Variants in FLVCR2 observed in about 807,000 individuals in gnomAD.
The protein encoded by FLVCR2 is FLVCR choline and putative heme transporter 2.
A neutral mutation model predicts 48.9 loss-of-function variants in FLVCR2; 38 were observed. That is an observed-to-expected ratio of 0.78 (90% CI 0.60 to 1.02). The LOEUF (loss-of-function observed/expected upper bound fraction) is 1.02, where lower values mean the gene tolerates loss of function less well. FLVCR2 is among the 50% of genes least tolerant of loss of function. The probability of loss-of-function intolerance (pLI) is 0.00; values close to 1 mark genes in which losing one functional copy is unlikely to be tolerated. For synonymous variants in FLVCR2, 255 were observed against 257.0 expected, an observed-to-expected ratio of 0.99 and a Z score of 0.07; for missense variants, 664 against 663.3, an observed-to-expected ratio of 1.00 and a Z score of -0.01.
intron 1 of FLVCR2, chr14:75,605,488 G>C: frequency 2.0e-6 from 3 of 1,521,994 alleles, no homozygotes; most frequent in East Asian, 4.9e-5. Context: ...TTGATTACAG[G>C]CATCTTTCCT....
At chr14:75,596,737 G>A (rs1012915624) in intron 1 of FLVCR2, among the ~76,000 whole-genome samples, 15 of 147,174 alleles carry the variant, frequency 1.0e-4, no homozygotes, top group South Asian at 4.3e-4. Context: ...TTTCATCATC[G>A]TCAATAAAAA....
chr14:75,590,723 G>A (rs528702831), intron 1 of FLVCR2, among the ~76,000 whole-genome samples: 40 of 152,354 alleles, frequency 2.6e-4, no homozygotes, highest in African/African-American at 9.1e-4. Context: ...TCCAGGTGAT[G>A]TGTGTGCTTC....
chr14:75,607,447 C>G (rs968603941), intron 1 of FLVCR2, among the ~76,000 whole-genome samples: 4 of 152,230 alleles, frequency 2.6e-5, no homozygotes, highest in African/African-American at 9.6e-5. Flanking sequence ...TCCTGAGTCT[C>G]AGACCATGTC....
intron 1 of FLVCR2, chr14:75,604,237 G>A (rs1889237162): frequency 6.6e-6 from 1 of 152,198 alleles, no homozygotes; most frequent in Non-Finnish European, 1.5e-5. Context: ...AGCAGGGTCG[G>A]GCCTGGTTAG....
chr14:75,646,639 G>T lies in FLVCR2; in HGVS notation c.*167G>T, dbSNP rs951496268. Reference sequence around the variant, plus strand: ...CTCCTAGAACCCACGTAAGAGCTTGGATGATTTAGTTGGAGAAAATTGCAC... The same window carrying T: ...CTCCTAGAACCCACGTAAGAGCTTGTATGATTTAGTTGGAGAAAATTGCAC... On this transcript the variant is annotated 3_prime_UTR_variant, in exon 10 of 10. Coordinates refer to ENST00000238667, the MANE Select transcript of FLVCR2 (RefSeq NM_017791.3). The T allele has an allele frequency of 1.7e-5, 11 of 665,628 alleles. No homozygotes were observed. Among genetic ancestry groups the T allele is most frequent in the Middle Eastern group, 2.9e-4 (1 of 3,508 alleles). The allele number at this position is 665,628 out of a possible 1,614,324, so 41.2% of individuals were successfully genotyped here. A position where few individuals can be genotyped will look rare whatever the true frequency, so the allele number is the denominator to read the frequency against.
chr14:75,647,401 C>A lies in FLVCR2; in HGVS notation c.*929C>A, dbSNP rs931467884. On this transcript the variant is annotated 3_prime_UTR_variant, in exon 10 of 10. Coordinates refer to ENST00000238667, the MANE Select transcript of FLVCR2 (RefSeq NM_017791.3). The stretch of plus-strand genomic sequence containing the variant: ...GGTAATCCCCGTCAACTTACTCTAA[C>A]CTTTGCTGAAAACTAATCTTGATTC... 2 of 152,252 alleles carry A rather than the reference C, an allele frequency of 1.3e-5. No homozygotes were observed. Among genetic ancestry groups the A allele is most frequent in the African/African-American group, 2.4e-5 (1 of 41,436 alleles). The allele number at this position is 152,252 out of a possible 1,614,324, so 9.4% of individuals were successfully genotyped here.
chr14:75,610,857 G>A (rs1889424733), intron 1 of FLVCR2, among the ~76,000 whole-genome samples: 1 of 152,178 alleles, frequency 6.6e-6, no homozygotes, highest in South Asian at 2.1e-4. Flanking sequence ...GCATCTACTC[G>A]CTTTGGGTGG....
At position 75,640,990 on chromosome 14, in the gene FLVCR2, A is replaced by G; in HGVS notation, c.1271A>G (p.Glu424Gly). The G allele has an allele frequency of 6.2e-7, 1 of 1,613,884 alleles. No individual in the cohort carries two copies. The highest frequency in any genetic ancestry group is 8.5e-7 in the Non-Finnish European group (1 of 1,179,942). Residue 424 changes from glutamate to glycine, a missense_variant, in exon 7 of 10, where the codon GAG becomes GGG. Physicochemically the swap from Glu to Gly is moderately conservative, Grantham distance 98. Coordinates refer to ENST00000238667, the MANE Select transcript of FLVCR2 (RefSeq NM_017791.3). Reference sequence around the variant, plus strand: ...ACTGGCTATCTCCCACTGGGATTTGAGTTTGCTGTGGAGCTCACGTACCCA... The same window carrying G: ...ACTGGCTATCTCCCACTGGGATTTGGGTTTGCTGTGGAGCTCACGTACCCA... ...FMTGYLPLGFEFAVELTYPES... is the reference protein window; with the variant it reads ...FMTGYLPLGFGFAVELTYPES...
intron 1 of FLVCR2, among the ~76,000 whole-genome samples, chr14:75,591,809 T>TC (rs113281228): frequency 6.2e-4 from 82 of 133,016 alleles, no homozygotes; most frequent in Middle Eastern, 3.7e-3. Flanking sequence ...TTCATTCCTT[T>TC]TTTTTTTTTT....
intron 1 of FLVCR2, among the ~76,000 whole-genome samples, chr14:75,588,772 C>T (rs1379799344): frequency 6.6e-6 from 1 of 152,210 alleles, no homozygotes; most frequent in African/African-American, 2.4e-5. Context: ...AGCCACTGCA[C>T]CTGGCCCCCC....
chr14:75,633,139 T>G (rs1323975562), intron 3 of FLVCR2, among the ~76,000 whole-genome samples: 1 of 152,186 alleles, frequency 6.6e-6, no homozygotes, highest in Non-Finnish European at 1.5e-5. Flanking sequence ...TGTGTGACAT[T>G]GAATCAGCAA....
In FLVCR2 at chr14:75,624,572, C is replaced by T. The variant is rs371052157; in HGVS notation, c.812-40C>T. 7 of 1,613,566 alleles carry T rather than the reference C, an allele frequency of 4.3e-6. No individual in the cohort carries two copies. The African/African-American group carries it at 8.0e-5, about 18-fold the overall frequency. On this transcript the variant is annotated intron_variant, in intron 2 of 9. Coordinates refer to ENST00000238667, the MANE Select transcript of FLVCR2 (RefSeq NM_017791.3). ...TGGAACCAGCTCTTCTGGGGTGGGA[C>T]CATGGGAATTTTCAGCCATCTCTGT...
chr14:75,602,667 G>C (rs954469928), intron 1 of FLVCR2, among the ~76,000 whole-genome samples: 3 of 152,190 alleles, frequency 2.0e-5, no homozygotes, highest in Non-Finnish European at 4.4e-5. Context: ...GTCAGAAGCT[G>C]AGGGAAGGAG....
intron 2 of FLVCR2, among the ~76,000 whole-genome samples, chr14:75,624,065 A>G (rs1399086293): frequency 1.3e-5 from 2 of 151,824 alleles, no homozygotes; most frequent in Admixed American, 6.6e-5. Context: ...AAAAAAAGAA[A>G]AGCAGAAGTA....
At chr14:75,589,102 G>A (rs985631433) in intron 1 of FLVCR2, among the ~76,000 whole-genome samples, 2 of 152,116 alleles carry the variant, frequency 1.3e-5, no homozygotes, top group Non-Finnish European at 1.5e-5. Context: ...TGTAGTCCCA[G>A]CTACTTGGGA....
intron 1 of FLVCR2, among the ~76,000 whole-genome samples, chr14:75,615,437 C>T (rs1889583215): frequency 6.6e-6 from 1 of 152,144 alleles, no homozygotes; most frequent in Non-Finnish European, 1.5e-5. Context: ...GTCCCAGTGG[C>T]CTCTGCTGCC....
Position 75,581,823 on chromosome 14 carries a change from C to T in FLVCR2, c.669+2182C>T, listed in dbSNP as rs1888616575. 3.9e-5 allele frequency among the ~76,000 whole-genome samples: 6 copies of T among 152,132 alleles called. No individual in the cohort carries two copies. The South Asian group carries it at 1.0e-3, about 26-fold the overall frequency. On this transcript the variant is annotated intron_variant, in intron 1 of 9. Transcript: ENST00000238667. ...GAGTAGTAGAATAGCAAATGGAACA[C>T]TGAGAAGTGATTTCCTTTAGGATAG... is the stretch of plus-strand genomic sequence containing the variant.
chr14:75,645,851 G>A (rs552345712), intron 9 of FLVCR2, among the ~76,000 whole-genome samples: 1 of 150,842 alleles, frequency 6.6e-6, no homozygotes, highest in African/African-American at 2.4e-5. Context: ...CTGGGAGGCG[G>A]AGTTTGCAGT....
At chr14:75,623,524 C>T (rs552290491) in intron 2 of FLVCR2, among the ~76,000 whole-genome samples, 1 of 152,244 alleles carries the variant, frequency 6.6e-6, no homozygotes, top group Non-Finnish European at 1.5e-5. Flanking sequence ...ACTGACCCCA[C>T]CTCCAGAGTC....
Sources: allele counts gnomAD v4.1 joint callset (sites outside exome capture counted in the v4.1 genomes callset), GRCh38; gene constraint gnomAD v4.1.1; transcripts MANE v1.5; gene names NCBI Gene and HGNC (gene_info 2026-07-23, HGNC 2026-07-21).